SLCO1B3: variants seen among roughly 807,000 people sequenced by gnomAD.
SLCO1B3 encodes liver-specific organic anion transporter 2.
Under a neutral mutation model 71.8 loss-of-function variants are expected in SLCO1B3, and 72 were observed. The ratio of observed to expected loss-of-function variants is 1.00; its 90% CI spans 0.83 to 1.22. The LOEUF (loss-of-function observed/expected upper bound fraction) is 1.22. Among genes scored for constraint, SLCO1B3 ranks in the 50% most tolerant of loss-of-function variants. The pLI is 0.00. For synonymous variants in SLCO1B3, 298 were observed against 278.4 expected (o/e 1.07, Z -0.70); for missense variants, 911 against 819.7 (o/e 1.11, Z -1.36).
At chr12:20,906,775 A>G (rs1480775724) in intron 15 of SLCO1B3, among the ~76,000 whole-genome samples, 1 of 152,220 alleles carries the variant, frequency 6.6e-6, no homozygotes, top group Non-Finnish European at 1.5e-5. Flanking sequence ...GAATAAGAAC[A>G]TGAACATCAT....
chr12:20,863,716 A>G lies in SLCO1B3; in HGVS notation c.727+862A>G, dbSNP rs970985594. Among the ~76,000 whole-genome samples, 9 of 152,086 alleles carry G rather than the reference A, an allele frequency of 5.9e-5. No homozygotes were observed. In the South Asian group the frequency reaches 6.2e-4, roughly 11 times the overall value. Reference sequence around the variant, plus strand: ...TTTTATATCCCCAAACAACTTTCCAATTGATTAACTGTTTCTCAATTTATC... The same window carrying G: ...TTTTATATCCCCAAACAACTTTCCAGTTGATTAACTGTTTCTCAATTTATC... On this transcript the variant is annotated intron_variant, in intron 8 of 15. Coordinates refer to ENST00000381545, the MANE Select transcript of SLCO1B3 (RefSeq NM_019844.4).
intron 13 of SLCO1B3, among the ~76,000 whole-genome samples, chr12:20,893,659 G>A (rs1392990421): frequency 1.3e-5 from 2 of 152,178 alleles, no homozygotes; most frequent in South Asian, 4.1e-4. Context: ...TACAAAGAAT[G>A]TAGGAACTAA....
rs1451875635 is a variant in SLCO1B3, at chr12:20,812,520, T to A, written c.-180-1004T>A. On this transcript the variant is annotated intron_variant, in intron 1 of 15. Transcript: ENST00000381545. ...GGAATGGAAGACATATACATGAAGG[T>A]AGAGAGCTTTTCTGTTGGGACAGTG... Among the ~76,000 whole-genome samples the A allele has an allele frequency of 3.3e-5, 5 of 152,134 alleles. No homozygotes were observed. In the East Asian group the frequency reaches 9.6e-4, roughly 29 times the overall value.
At chr12:20,882,563 C>T (rs1471010019) in intron 12 of SLCO1B3, among the ~76,000 whole-genome samples, 1 of 149,580 alleles carries the variant, frequency 6.7e-6, no homozygotes, top group African/African-American at 2.4e-5. Flanking sequence ...ACCACCACAC[C>T]CGGCTAATTT....
intron 2 of SLCO1B3, among the ~76,000 whole-genome samples, chr12:20,814,894 C>A (rs1864163486): frequency 9.6e-5 from 1 of 10,408 alleles, no homozygotes; most frequent in Non-Finnish European, 2.4e-4. Flanking sequence ...AAGACTCCGT[C>A]TCAAAAAAAA....
chr12:20,916,079 G>A lies in SLCO1B3; in HGVS notation c.1941G>A (p.Met647Ile), dbSNP rs1368505590. Reference sequence around the variant, plus strand: ...TATATATTGTTTTCATTTTTGCTATGAAGAAAAAATTTCAAGGAAAAGATA... The same window carrying A: ...TATATATTGTTTTCATTTTTGCTATAAAGAAAAAATTTCAAGGAAAAGATA... Reference protein sequence around the residue: ...LVLYIVFIFAMKKKFQGKDTK... With the variant: ...LVLYIVFIFAIKKKFQGKDTK... Residue 647 changes from methionine (M) to isoleucine (I), a missense_variant, in exon 16 of 16, where the codon ATG (methionine) becomes ATA (isoleucine). Coordinates refer to ENST00000381545, the MANE Select transcript of SLCO1B3 (RefSeq NM_019844.4). 1.2e-6 allele frequency: 2 copies of A among 1,612,286 alleles called. No individual in the cohort carries two copies. Among genetic ancestry groups the A allele is most frequent in the South Asian group, 1.1e-5 (1 of 91,032 alleles).
intron 3 of SLCO1B3, among the ~76,000 whole-genome samples, chr12:20,820,478 G>A (rs1864275200): frequency 6.6e-6 from 1 of 152,186 alleles, no homozygotes; most frequent in South Asian, 2.1e-4. Context: ...AGCTCCTGGG[G>A]GAGGAGGTTC....
chr12:20,869,813 G>A (rs1425714449), intron 8 of SLCO1B3, among the ~76,000 whole-genome samples: 1 of 152,094 alleles, frequency 6.6e-6, no homozygotes, highest in Non-Finnish European at 1.5e-5. Context: ...AAATATCTCT[G>A]TGAGATCCTA....
At chr12:20,899,611 T>C (rs1444025543) in intron 14 of SLCO1B3, among the ~76,000 whole-genome samples, 2 of 152,190 alleles carry the variant, frequency 1.3e-5, no homozygotes, top group African/African-American at 2.4e-5. Flanking sequence ...CGTCCCTTTC[T>C]GTGTCCCTAA....
chr12:20,855,792 AATAATTTTTCAAAGAAAAATT>A (rs1203944525), intron 4 of SLCO1B3, among the ~76,000 whole-genome samples: 5 of 151,052 alleles, frequency 3.3e-5, no homozygotes, highest in Admixed American at 2.0e-4. Context: ...TTTTCAATAT[AATAATTTTTCAAAGAAAAATT>A]AAAATTTTTC....
In SLCO1B3 at chr12:20,822,520, A is replaced by T. The variant is rs568323107; in HGVS notation, c.84+6698A>T. ...CAGTTAAGGCGGGGCAGGGCCTTTCACTTCTTTTGTGATTCTTCAGTTACT... is the reference window on the plus strand; with the variant it reads ...CAGTTAAGGCGGGGCAGGGCCTTTCTCTTCTTTTGTGATTCTTCAGTTACT... On this transcript the variant is annotated intron_variant, in intron 3 of 15. Transcript: ENST00000381545. Among the ~76,000 whole-genome samples, 17 of 152,182 alleles carry T rather than the reference A, an allele frequency of 1.1e-4. No homozygotes were observed. In the East Asian group the frequency reaches 3.3e-3, roughly 30 times the overall value.
intron 5 of SLCO1B3, chr12:20,859,064 A>C (rs916084716): frequency 2.0e-5 from 3 of 152,374 alleles, no homozygotes; most frequent in African/African-American, 7.2e-5. Context: ...TTTATTTTTT[A>C]CATTTTTTCA....
chr12:20,880,132 A>T lies in SLCO1B3; in HGVS notation c.1331+501A>T, dbSNP rs576456165. On this transcript the variant is annotated intron_variant, in intron 11 of 15. Transcript: ENST00000381545. The stretch of plus-strand genomic sequence containing the variant: ...ATCATATCTTTACAAAACAAATAAA[A>T]TCTTTAAGCTTAAACATTATACAAA... 4.3e-3 allele frequency among the ~76,000 whole-genome samples: 277 copies of T among 64,632 alleles called. 2 individuals carry two copies. The highest frequency in any genetic ancestry group is 7.9e-3 in the African/African-American group (256 of 32,532). The allele number at this position is 64,632 out of a possible 152,430, so 42.4% of individuals were successfully genotyped here. A position where few individuals can be genotyped will look rare whatever the true frequency, so the allele number is the denominator to read the frequency against.
chr12:20,847,775 A>G (rs1456542169), intron 3 of SLCO1B3, among the ~76,000 whole-genome samples: 2 of 151,924 alleles, frequency 1.3e-5, no homozygotes, highest in African/African-American at 4.8e-5. Context: ...CAGGATACAA[A>G]TTACAGGGAT....
At chr12:20,828,302 TAAAAA>T (rs33953453) in intron 3 of SLCO1B3, among the ~76,000 whole-genome samples, 5 of 140,734 alleles carry the variant, frequency 3.6e-5, no homozygotes, top group Admixed American at 7.1e-5. Context: ...ACTATTTTAG[TAAAAA>T]AAAAAAAAAA....
rs766849765 is a variant in SLCO1B3 at position 20,883,403 on chromosome 12, A to C, written c.1498-15A>C. ...TGGCAAATGTATTTGTTAATATTTC[A>C]AAAACTATTTTTAGGTGTTTTATAA... On this transcript the variant is annotated splice_polypyrimidine_tract_variant and intron_variant, in intron 12 of 15. Transcript: ENST00000381545. 6.1e-6 allele frequency: 9 copies of C among 1,465,370 alleles called. No homozygotes were observed. In the African/African-American group the frequency reaches 1.2e-4, roughly 19 times the overall value. The allele number at this position is 1,465,370 out of a possible 1,614,324, so 90.8% of individuals were successfully genotyped here.
chr12:20,876,494 T>G (rs11045578), intron 9 of SLCO1B3, among the ~76,000 whole-genome samples: 109,751 of 151,570 alleles, frequency 0.72, 42,324 homozygotes, highest in South Asian at 0.9. Context: ...TACCTTTTTT[T>G]TTGTTGTTGT....
At chr12:20,843,968 T>G (rs1379624147) in intron 3 of SLCO1B3, among the ~76,000 whole-genome samples, 1 of 152,026 alleles carries the variant, frequency 6.6e-6, no homozygotes, top group Non-Finnish European at 1.5e-5. Flanking sequence ...CAATCTGAGG[T>G]TTTCACATTT....
At chr12:20,856,641 C>A (rs994951574) in intron 4 of SLCO1B3, among the ~76,000 whole-genome samples, 2 of 152,182 alleles carry the variant, frequency 1.3e-5, no homozygotes, top group Non-Finnish European at 2.9e-5. Flanking sequence ...CTCACAGCAA[C>A]CTCCACCTCC....
Sources: allele counts gnomAD v4.1 joint callset (sites outside exome capture counted in the v4.1 genomes callset), GRCh38; gene constraint gnomAD v4.1.1; transcripts MANE v1.5; gene names NCBI Gene and HGNC (gene_info 2026-07-23, HGNC 2026-07-21).